JAK1: variants seen among roughly 807,000 people sequenced by gnomAD.
The protein encoded by JAK1 is Janus kinase 1, also known as tyrosine-protein kinase JAK1.
A neutral mutation model predicts 136.6 loss-of-function variants in JAK1; 16 were observed. The observed-to-expected ratio is 0.12, with a 90% CI of 0.08 to 0.18. The LOEUF (loss-of-function observed/expected upper bound fraction) is 0.18, where lower values mean the gene tolerates loss of function less well. Ranked by LOEUF, JAK1 falls within the 10% of genes least tolerant of loss-of-function variation. JAK1 has a pLI of 1.00. For missense variants in JAK1, 859 were observed against 1,450.1 expected (o/e 0.59, Z 6.62); for synonymous variants, 492 against 519.5 (o/e 0.95, Z 0.72).
At chr1:64,991,592 A>G (rs533737805) in intron 2 of JAK1, 2 of 152,378 alleles carry the variant, frequency 1.3e-5, no homozygotes, top group African/African-American at 4.8e-5. Context: ...GCTATTCAAC[A>G]TCCTACTGAA....
chr1:65,010,300 G>A (rs1294686152), intron 2 of JAK1, among the ~76,000 whole-genome samples: 12 of 151,862 alleles, frequency 7.9e-5, no homozygotes, highest in Admixed American at 2.6e-4. Flanking sequence ...GCTCTCTCTC[G>A]CACGCTCATT....
At chr1:64,964,291 C>G (rs1497057) in intron 1 of JAK1, among the ~76,000 whole-genome samples, 148,989 of 152,330 alleles carry the variant, frequency 0.98, 72,928 homozygotes, top group East Asian at 1. Context: ...TGGGATGTGT[C>G]TTTGAGGGGA....
intron 1 of JAK1, among the ~76,000 whole-genome samples, chr1:64,952,171 A>G (rs1646103514): frequency 6.6e-6 from 1 of 152,214 alleles, no homozygotes; most frequent in South Asian, 2.1e-4. Flanking sequence ...TGATTTTGCC[A>G]TCTCAAAAGC....
chr1:65,001,132 C>A (rs1270397207), intron 2 of JAK1, among the ~76,000 whole-genome samples: 1 of 152,116 alleles, frequency 6.6e-6, no homozygotes, highest in African/African-American at 2.4e-5. Context: ...ATTATTAAAC[C>A]CCTCCCAAAA....
At chr1:65,030,952 A>G (rs1159058962) in intron 2 of JAK1, among the ~76,000 whole-genome samples, 1 of 152,018 alleles carries the variant, frequency 6.6e-6, no homozygotes, top group Non-Finnish European at 1.5e-5. Context: ...CTAGGAGTTT[A>G]AGACCCCCCT....
At chr1:65,030,786 C>T (rs549700005) in intron 2 of JAK1, among the ~76,000 whole-genome samples, 3 of 152,264 alleles carry the variant, frequency 2.0e-5, no homozygotes, top group South Asian at 4.1e-4. Context: ...CCCACCTCTG[C>T]CTCCCAAAGT....
rs566601112 is a variant in JAK1 at position 64,956,063 on chromosome 1, T to C, written c.-78+10270A>G. ...TCAGTGTCCATACATAAAGTTGTAT[T>C]GGAGCACAGCCACACTCATTGGTTT... On this transcript the variant is annotated intron_variant, in intron 1 of 24. Coordinates refer to ENST00000342505, the MANE Select transcript of JAK1 (RefSeq NM_002227.4). 4.4e-3 allele frequency among the ~76,000 whole-genome samples: 669 copies of C among 152,368 alleles called. 3 individuals carry two copies. The highest frequency in any genetic ancestry group is 0.015 in the African/African-American group (620 of 41,586).
In JAK1 at chr1:64,984,889, C is replaced by A; in HGVS notation, c.-78+59591G>T. On this transcript the variant is annotated intron_variant, in intron 2 of 25. Coordinates refer to the JAK1 transcript ENST00000671954. The surrounding 1 kb of genome is among the most constrained non-coding windows in gnomAD (Gnocchi z 4.1). Reference sequence around the variant, plus strand: ...GTCCAGGTGGAGCAGCCGGCCACTGCCATCACAGCTGGGCCAGGGCCCTGG... The same window carrying A: ...GTCCAGGTGGAGCAGCCGGCCACTGACATCACAGCTGGGCCAGGGCCCTGG... The A allele has an allele frequency of 8.4e-7, 1 of 1,190,962 alleles. No homozygotes were observed. Among genetic ancestry groups the A allele is most frequent in the South Asian group, 1.2e-5 (1 of 82,476 alleles). 73.8% of individuals were successfully genotyped at this position (1,190,962 alleles called of 1,614,324 possible).
intron 2 of JAK1, among the ~76,000 whole-genome samples, chr1:64,884,335 C>G (rs1644821600): frequency 6.6e-6 from 1 of 152,116 alleles, no homozygotes; most frequent in Non-Finnish European, 1.5e-5. Flanking sequence ...TTCTTCTTGC[C>G]CAATACCAAT....
At chr1:65,049,548 C>A (rs1372079882) in intron 1 of JAK1, among the ~76,000 whole-genome samples, 1 of 152,114 alleles carries the variant, frequency 6.6e-6, no homozygotes, top group Non-Finnish European at 1.5e-5. Flanking sequence ...TGGGCATGAG[C>A]TTTCTGACTG....
chr1:64,934,497 A>G (rs1170007375), intron 1 of JAK1, among the ~76,000 whole-genome samples: 2 of 152,148 alleles, frequency 1.3e-5, no homozygotes, highest in Non-Finnish European at 2.9e-5. Flanking sequence ...GTAAAGAAAA[A>G]CAACAGTGAA....
Position 64,997,585 on chromosome 1 carries a change from T to G in JAK1, c.-78+46895A>C, listed in dbSNP as rs368641397. On this transcript the variant is annotated intron_variant, in intron 2 of 25. Coordinates refer to the JAK1 transcript ENST00000671954. ...TATTTCACTGTCCTTAGAGCCACGC[T>G]GGGATTAGCTTTGGGTATGAGAGAT... Among the ~76,000 whole-genome samples, 29 of 152,310 alleles carry G rather than the reference T, an allele frequency of 1.9e-4. 5 individuals carry two copies. The highest frequency in any genetic ancestry group is 3.3e-4 in the Admixed American group (5 of 15,298).
chr1:64,882,042 A>C (rs1474349317), intron 3 of JAK1, among the ~76,000 whole-genome samples: 1 of 152,234 alleles, frequency 6.6e-6, no homozygotes, highest in Non-Finnish European at 1.5e-5. Flanking sequence ...TTATTTGTAC[A>C]CATTGCGGCC....
chr1:64,937,327 A>G (rs1645807913), intron 1 of JAK1, among the ~76,000 whole-genome samples: 1 of 152,214 alleles, frequency 6.6e-6, no homozygotes, highest in Admixed American at 6.5e-5. Flanking sequence ...TTTGGTTTCC[A>G]GGAAAATCAT....
chr1:65,057,716 T>C (rs1206420487), intron 1 of JAK1: 2 of 154,820 alleles, frequency 1.3e-5, no homozygotes, highest in Non-Finnish European at 2.9e-5. Flanking sequence ...GCTGGCTTGG[T>C]GTTTACAGCT....
rs760295791 is a variant in JAK1, at chr1:64,844,974, T to G, written c.2116-85A>C. On this transcript the variant is annotated intron_variant, in intron 15 of 24. Transcript: ENST00000342505. The surrounding 1 kb of genome is among the most constrained non-coding windows in gnomAD (Gnocchi z 5.7). Reference sequence around the variant, plus strand: ...CCTGGTCCCTCAGGTCATCTCTTCCTACCCCCAGCTACAGCCAGATCTGGA... The same window carrying G: ...CCTGGTCCCTCAGGTCATCTCTTCCGACCCCCAGCTACAGCCAGATCTGGA... The G allele has an allele frequency of 3.3e-5, 52 of 1,558,768 alleles. No homozygotes were observed. The highest frequency in any genetic ancestry group is 4.2e-5 in the Non-Finnish European group (48 of 1,139,354).
In JAK1 at chr1:65,052,584, C is replaced by T. The variant is rs560195532; in HGVS notation, c.-180-8002G>A. On this transcript the variant is annotated intron_variant, in intron 1 of 25. Transcript: ENST00000671954. ...TCCCAGCACCTTTGGGAGGCCGAGGCGGGCGGATCACGAGGTCAGGAGATC... is the reference window on the plus strand; with the variant it reads ...TCCCAGCACCTTTGGGAGGCCGAGGTGGGCGGATCACGAGGTCAGGAGATC... 1.4e-3 allele frequency among the ~76,000 whole-genome samples: 210 copies of T among 151,806 alleles called. 1 individual carries two copies. The South Asian group carries it at 0.027, about 20-fold the overall frequency.
chr1:64,918,870 G>T (rs1557691729), intron 1 of JAK1, among the ~76,000 whole-genome samples: 1 of 151,896 alleles, frequency 6.6e-6, no homozygotes. Context: ...ATCCTCTCCA[G>T]TAATCAAATA....
intron 2 of JAK1, among the ~76,000 whole-genome samples, chr1:64,975,723 C>A (rs1049530797): frequency 3.3e-5 from 5 of 152,200 alleles, no homozygotes; most frequent in African/African-American, 1.2e-4. Context: ...TCATACCCTT[C>A]TCAGGCCAGG....
Sources: allele counts gnomAD v4.1 joint callset (sites outside exome capture counted in the v4.1 genomes callset), GRCh38; gene constraint gnomAD v4.1.1; non-coding constraint Gnocchi (gnomAD v3.1); transcripts MANE v1.5; gene names NCBI Gene and HGNC (gene_info 2026-07-23, HGNC 2026-07-21).